Variants in HSF1 observed in about 807,000 individuals in gnomAD.
HSF1 encodes heat shock transcription factor 1.
A neutral mutation model predicts 51.7 loss-of-function variants in HSF1; 32 were observed. The observed-to-expected ratio is 0.62, with a 90% CI of 0.47 to 0.83. The LOEUF (loss-of-function observed/expected upper bound fraction) is 0.83, where lower values mean the gene tolerates loss of function less well. HSF1 is among the 40% of genes least tolerant of loss of function. The pLI is 0.00. For missense variants in HSF1, 727 were observed against 717.0 expected, an observed-to-expected ratio of 1.01 and a Z score of -0.16; for synonymous variants, 396 against 309.7, an observed-to-expected ratio of 1.28 and a Z score of -2.92.
chr8:144,310,702 G>A (rs1816575802), intron 4 of HSF1: 1 of 188,104 alleles, frequency 5.3e-6, no homozygotes, highest in African/African-American at 2.3e-5. Context: ...CACCTGGCTG[G>A]GGACAGCTCT....
In HSF1 at chr8:144,309,010, CAT is replaced by C; in HGVS notation, c.223_224del (p.Met75ValfsTer38). 2 of 1,611,384 alleles carry C rather than the reference CAT, an allele frequency of 1.2e-6. No homozygotes were observed. The highest frequency in any genetic ancestry group is 1.7e-6 in the Non-Finnish European group (2 of 1,177,540). On this transcript the variant is annotated frameshift_variant and splice_region_variant, in exon 2 of 13. Transcript: ENST00000528838. LOFTEE classifies it high-confidence loss of function. ...TGGCCAGCTTCGTGCGGCAGCTCAACATGTGTGAGTGCTGCCTCCAGGCAGCG... is the reference window on the plus strand; with the variant it reads ...TGGCCAGCTTCGTGCGGCAGCTCAACGTGTGAGTGCTGCCTCCAGGCAGCG... ...NMASFVRQLN[M>X]YGFRKVVHIE...
chr8:144,309,579 G>A lies in HSF1; in HGVS notation c.351G>A (p.Arg117=), dbSNP rs1816457259. ...GQEQLLENIK[R]KVTSVSTLKS... is the part of the protein sequence containing the mutation. The stretch of plus-strand genomic sequence containing the variant: ...AGCAGCTCCTTGAGAACATCAAGAG[G>A]AAAGTGACCAGTGTGAGTGCCGGCC... The change falls in exon 3 of 13, where the codon AGG becomes AGA. Residue 117 remains arginine, a synonymous_variant. Transcript: ENST00000528838. 1 of 1,613,966 alleles carries A rather than the reference G, an allele frequency of 6.2e-7. No individual in the cohort carries two copies. The highest frequency in any genetic ancestry group is 8.5e-7 in the Non-Finnish European group (1 of 1,180,004).
At chr8:144,292,092 A>G (rs1289542152) in intron 1 of HSF1, among the ~76,000 whole-genome samples, 1 of 152,170 alleles carries the variant, frequency 6.6e-6, no homozygotes, top group East Asian at 1.9e-4. Flanking sequence ...ACTCGGTTCA[A>G]CCCCTGCCCC....
intron 1 of HSF1, among the ~76,000 whole-genome samples, chr8:144,305,773 C>T (rs762961013): frequency 8.4e-6 from 1 of 118,792 alleles, no homozygotes; most frequent in Non-Finnish European, 1.7e-5. Flanking sequence ...CACTCTGTAG[C>T]CCAGGCTGGA....
At position 144,313,976 on chromosome 8, in the gene HSF1, A is replaced by G. The variant is rs1554845927; in HGVS notation, c.1315-9A>G. ...CGGGAGTGCTCACAATACCGTCTCC[A>G]CCCCACAGATCCAAGAGCTCCTGTC... On this transcript the variant is annotated splice_polypyrimidine_tract_variant and intron_variant, in intron 11 of 12. Transcript: ENST00000528838. 24 of 1,610,380 alleles carry G rather than the reference A, an allele frequency of 1.5e-5. No individual in the cohort carries two copies. Among genetic ancestry groups the G allele is most frequent in the Non-Finnish European group, 2.0e-5 (23 of 1,179,244 alleles).
chr8:144,300,846 A>G (rs1326506456), intron 1 of HSF1, among the ~76,000 whole-genome samples: 2 of 151,694 alleles, frequency 1.3e-5, no homozygotes, highest in African/African-American at 4.8e-5. Context: ...TCTTGAGACA[A>G]CTGTACCACA....
At chr8:144,310,243 C>T (rs2130432486) in intron 4 of HSF1, 2 of 231,776 alleles carry the variant, frequency 8.6e-6, no homozygotes, top group Non-Finnish European at 1.7e-5. Context: ...CCACCCGCCT[C>T]GGGCCTGGGG....
In HSF1 at chr8:144,312,199, C is replaced by T. The variant is rs1481531208; in HGVS notation, c.1097C>T (p.Pro366Leu). ...GAGGGCCGGCCTCCCTCCCCCCCGC[C>T]CACCTCCACCCCTGAAAAGTGCCTC... Reference protein sequence around the residue: ...DTEGRPPSPPPTSTPEKCLSV... With the variant: ...DTEGRPPSPPLTSTPEKCLSV... The change falls in exon 9 of 13, where the codon CCC (proline) becomes CTC (leucine). Residue 366 changes from proline to leucine, a missense_variant. Pro to Leu is a moderately conservative substitution (Grantham distance 98, BLOSUM62 -3). Around this residue, in one of 2 missense-constraint regions of HSF1, gnomAD observed 470 missense variants for 398.8 expected, o/e 1.18. Coordinates refer to ENST00000528838, the MANE Select transcript of HSF1 (RefSeq NM_005526.4). The T allele has an allele frequency of 6.3e-7, 1 of 1,597,044 alleles. No homozygotes were observed. Among genetic ancestry groups the T allele is most frequent in the Non-Finnish European group, 8.5e-7 (1 of 1,170,936 alleles).
chr8:144,308,653 C>G (rs1004764841), intron 1 of HSF1, among the ~76,000 whole-genome samples: 1 of 152,220 alleles, frequency 6.6e-6, no homozygotes. Context: ...AGGAAGGCCT[C>G]GCATCTGCCC....
chr8:144,304,852 C>T (rs564766650), intron 1 of HSF1, among the ~76,000 whole-genome samples: 24 of 151,514 alleles, frequency 1.6e-4, no homozygotes, highest in Non-Finnish European at 4.4e-5. Context: ...CCATGCTGGC[C>T]AGGCTGGAAC....
chr8:144,300,505 C>G (rs1554842091), intron 1 of HSF1, among the ~76,000 whole-genome samples: 2 of 152,134 alleles, frequency 1.3e-5, no homozygotes, highest in South Asian at 2.1e-4. Flanking sequence ...GCCACCGCGC[C>G]CGGCCTGTTG....
At chr8:144,313,445 C>G in intron 9 of HSF1, 66 bp from the exon 10 acceptor site, 1 of 1,073,832 alleles carries the variant, frequency 9.3e-7, no homozygotes, top group Non-Finnish European at 1.4e-6. Context: ...AGCCCTTCTC[C>G]CACAGGAGGG....
In HSF1 at chr8:144,308,923, C is replaced by T. The variant is rs782803609; in HGVS notation, c.135C>T (p.His45=). The T allele has an allele frequency of 5.6e-6, 9 of 1,614,020 alleles. No homozygotes were observed. In the Admixed American group the frequency reaches 8.3e-5, roughly 15 times the overall value. Residue 45 remains histidine, a synonymous_variant, in exon 2 of 13, where the codon CAC becomes CAT. Transcript: ENST00000528838. ...ICWSPSGNSF[H]VFDQGQFAKE... ...CCTTTCAGAGCGGGAACAGCTTCCA[C>T]GTGTTCGACCAGGGCCAGTTTGCCA...
In HSF1 at chr8:144,314,288, A is replaced by G; in HGVS notation, c.1548A>G (p.Thr516=). The change falls in exon 13 of 13, where the codon ACA becomes ACG. Residue 516 remains threonine (T), a synonymous_variant. Coordinates refer to ENST00000528838, the MANE Select transcript of HSF1 (RefSeq NM_005526.4). ...FAEDPTISLL[T]GSEPPKAKDP... is the part of the protein sequence containing the mutation. ...AGGACCCCACCATCTCCCTGCTGAC[A>G]GGCTCGGAGCCTCCCAAAGCCAAGG... 6.4e-7 allele frequency: 1 copy of G among 1,550,968 alleles called. No homozygotes were observed. Among genetic ancestry groups the G allele is most frequent in the Non-Finnish European group, 8.7e-7 (1 of 1,147,276 alleles).
intron 9 of HSF1, chr8:144,312,529 CG>C (rs1223621940): frequency 9.1e-7 from 1 of 1,101,604 alleles, no homozygotes; most frequent in East Asian, 2.6e-5. Context: ...CCTGGCAGGT[CG>C]TGCTGCCCAG....
intron 1 of HSF1, among the ~76,000 whole-genome samples, chr8:144,294,702 G>A (rs1554840999): frequency 6.6e-6 from 1 of 152,238 alleles, no homozygotes; most frequent in African/African-American, 2.4e-5. Context: ...TCACTGCCCA[G>A]GAGACCCCAT....
chr8:144,313,976 A>ACCCCACAGATCCAAGAGCTCCTGTCTCCC lies in HSF1; in HGVS notation c.1315-7_1336dup. 5 of 1,610,380 alleles carry ACCCCACAGATCCAAGAGCTCCTGTCTCCC rather than the reference A, an allele frequency of 3.1e-6. No individual in the cohort carries two copies. The highest frequency in any genetic ancestry group is 4.2e-6 in the Non-Finnish European group (5 of 1,179,244). ...CGGGAGTGCTCACAATACCGTCTCC[A>ACCCCACAGATCCAAGAGCTCCTGTCTCCC]CCCCACAGATCCAAGAGCTCCTGTC... On this transcript the variant is annotated splice_polypyrimidine_tract_variant and intron_variant, in intron 11 of 12. Coordinates refer to ENST00000528838, the MANE Select transcript of HSF1 (RefSeq NM_005526.4).
chr8:144,304,287 C>G (rs782397130), intron 1 of HSF1, among the ~76,000 whole-genome samples: 1 of 152,190 alleles, frequency 6.6e-6, no homozygotes, highest in African/African-American at 2.4e-5. Flanking sequence ...GATTTTACTC[C>G]GTAAGTGTTC....
chr8:144,313,288 T>C (rs546776204), intron 9 of HSF1: 1 of 535,610 alleles, frequency 1.9e-6, no homozygotes. Context: ...CAGGCCCTCA[T>C]GGCAAAGGGA....
Sources: allele counts gnomAD v4.1 joint callset (sites outside exome capture counted in the v4.1 genomes callset), GRCh38; gene constraint gnomAD v4.1.1; regional missense constraint gnomAD v4.1.1; transcripts MANE v1.5; gene names NCBI Gene and HGNC (gene_info 2026-07-23, HGNC 2026-07-21).